Variants in OTUD7A observed in about 807,000 individuals in gnomAD.
OTUD7A encodes the protein OTU deubiquitinase 7A.
OTUD7A carries 12 observed loss-of-function variants against 65.7 expected under a neutral mutation model. That is an observed-to-expected ratio of 0.18 (90% CI 0.12 to 0.30). The LOEUF (loss-of-function observed/expected upper bound fraction) is 0.30. Among genes scored for constraint, OTUD7A ranks in the 10% least tolerant of loss-of-function variants. The pLI, the probability that OTUD7A is intolerant of heterozygous loss-of-function variation, is 1.00. For missense variants in OTUD7A, 1,148 were observed against 1,304.8 expected, an observed-to-expected ratio of 0.88 and a Z score of 1.85; for synonymous variants, 641 against 586.3, an observed-to-expected ratio of 1.09 and a Z score of -1.35.
intron 1 of OTUD7A, among the ~76,000 whole-genome samples, chr15:31,686,022 C>T (rs145894311): frequency 0.045 from 6,790 of 152,308 alleles, 291 homozygotes; most frequent in African/African-American, 0.11. Context: ...GACTGTGTCT[C>T]TTTCCATGGC....
At chr15:31,864,466 G>A (rs535527515) in intron 1 of OTUD7A, among the ~76,000 whole-genome samples, 1 of 152,228 alleles carries the variant, frequency 6.6e-6, no homozygotes, top group Non-Finnish European at 1.5e-5. Flanking sequence ...CTTTTTACGT[G>A]GTGGTGGCAA....
intron 8 of OTUD7A, among the ~76,000 whole-genome samples, chr15:31,507,485 C>G (rs1243688808): frequency 6.6e-6 from 1 of 152,166 alleles, no homozygotes; most frequent in Non-Finnish European, 1.5e-5. Flanking sequence ...TGTGGTCTCA[C>G]TGACTTCAAG....
intron 3 of OTUD7A, among the ~76,000 whole-genome samples, chr15:31,607,410 T>C (rs1015886128): frequency 6.6e-6 from 1 of 152,176 alleles, no homozygotes; most frequent in Admixed American, 6.5e-5. Context: ...TCAAATTACT[T>C]AAATACCTGA....
intron 1 of OTUD7A, among the ~76,000 whole-genome samples, chr15:31,740,123 G>A (rs992618365): frequency 9.9e-5 from 15 of 152,178 alleles, no homozygotes; most frequent in Admixed American, 3.3e-4. Context: ...TGGGGTGGCC[G>A]GAGCAGGCCT....
In OTUD7A at chr15:31,719,418, A is replaced by T. The variant is rs1465051814; in HGVS notation, c.-99-62341T>A. On this transcript the variant is annotated intron_variant, in intron 1 of 12. Transcript: ENST00000307050. Reference sequence around the variant, plus strand: ...CCTGTAATCTTCCACATCTCTGATCAGGGCAACCTCAAGCTTCCATTTGTT... The same window carrying T: ...CCTGTAATCTTCCACATCTCTGATCTGGGCAACCTCAAGCTTCCATTTGTT... Among the ~76,000 whole-genome samples the T allele has an allele frequency of 5.3e-5, 8 of 152,098 alleles. No homozygotes were observed. In the East Asian group the frequency reaches 1.5e-3, roughly 29 times the overall value.
At chr15:31,620,474 C>G (rs1890744533) in intron 3 of OTUD7A, among the ~76,000 whole-genome samples, 1 of 151,846 alleles carries the variant, frequency 6.6e-6, no homozygotes, top group Admixed American at 6.6e-5. Context: ...AGAGATTCAA[C>G]TTCTTCCTGG....
At chr15:31,607,673 A>G (rs1890275989) in intron 3 of OTUD7A, among the ~76,000 whole-genome samples, 1 of 152,156 alleles carries the variant, frequency 6.6e-6, no homozygotes, top group African/African-American at 2.4e-5. Context: ...TACCTTTTCT[A>G]TATTTATATA....
At chr15:31,497,342 C>T (rs1329459859) in intron 10 of OTUD7A, among the ~76,000 whole-genome samples, 29 of 152,080 alleles carry the variant, frequency 1.9e-4, no homozygotes, top group Admixed American at 1.9e-3. Context: ...CTCCACCTCC[C>T]AGGTTCAAGA....
At chr15:31,603,991 T>C (rs894177295) in intron 3 of OTUD7A, among the ~76,000 whole-genome samples, 1 of 152,224 alleles carries the variant, frequency 6.6e-6, no homozygotes, top group Non-Finnish European at 1.5e-5. Flanking sequence ...TTTACACTGT[T>C]GGTGGGAGTG....
intron 10 of OTUD7A, among the ~76,000 whole-genome samples, chr15:31,488,891 C>T (rs543358241): frequency 1.3e-5 from 2 of 152,332 alleles, no homozygotes; most frequent in African/African-American, 4.8e-5. Flanking sequence ...TGACCAGCTC[C>T]GGGCTTTTCA....
At chr15:31,740,265 G>A (rs933518569) in intron 1 of OTUD7A, among the ~76,000 whole-genome samples, 1 of 152,180 alleles carries the variant, frequency 6.6e-6, no homozygotes, top group Non-Finnish European at 1.5e-5. Flanking sequence ...TGGAGCAGAG[G>A]TGGGGTCGCA....
chr15:31,715,967 TAG>T (rs377367799), intron 1 of OTUD7A, among the ~76,000 whole-genome samples: 1,809 of 37,912 alleles, frequency 0.048, 179 homozygotes, highest in African/African-American at 0.077. Context: ...GAGACGCAAA[TAG>T]AGAGAGCTGT....
At chr15:31,792,722 T>G (rs1280294944) in intron 1 of OTUD7A, among the ~76,000 whole-genome samples, 1 of 152,204 alleles carries the variant, frequency 6.6e-6, no homozygotes, top group East Asian at 1.9e-4. Flanking sequence ...TGTGTATGTG[T>G]GTTCTGCCAT....
chr15:31,660,609 T>C (rs1445050128), intron 1 of OTUD7A, among the ~76,000 whole-genome samples: 1 of 152,144 alleles, frequency 6.6e-6, no homozygotes. Context: ...TAAGAGTAAT[T>C]TGGACTGTGA....
intron 1 of OTUD7A, among the ~76,000 whole-genome samples, chr15:31,847,090 G>A (rs1191378963): frequency 6.6e-6 from 1 of 152,194 alleles, no homozygotes; most frequent in Non-Finnish European, 1.5e-5. Context: ...CCGTAGCCTG[G>A]GCATCCTTGT....
At chr15:31,593,756 TA>T (rs1889823007) in intron 3 of OTUD7A, among the ~76,000 whole-genome samples, 2 of 152,202 alleles carry the variant, frequency 1.3e-5, no homozygotes, top group South Asian at 4.1e-4. Context: ...GATGAATTTT[TA>T]AAAAACATAT....
At chr15:31,685,549 C>G (rs1377999384) in intron 1 of OTUD7A, among the ~76,000 whole-genome samples, 2 of 151,892 alleles carry the variant, frequency 1.3e-5, no homozygotes, top group African/African-American at 2.4e-5. Flanking sequence ...GTCCCAGCTA[C>G]TAGGGAGGCT....
intron 3 of OTUD7A, among the ~76,000 whole-genome samples, chr15:31,617,428 A>G (rs1054843520): frequency 6.6e-6 from 1 of 152,170 alleles, no homozygotes; most frequent in Non-Finnish European, 1.5e-5. Context: ...CAGAGGTTGC[A>G]GTGAGCCCAG....
intron 3 of OTUD7A, among the ~76,000 whole-genome samples, chr15:31,609,717 C>T (rs765449868): frequency 7.9e-5 from 12 of 152,176 alleles, no homozygotes; most frequent in Non-Finnish European, 7.3e-5. Context: ...CATACTAGCA[C>T]AGCTGATGCT....
Sources: gnomAD v4.1 joint callset for allele counts (sites outside exome capture counted in the v4.1 genomes callset) on GRCh38, gnomAD v4.1.1 for gene constraint, MANE v1.5 for transcripts, NCBI Gene and HGNC (gene_info 2026-07-23, HGNC 2026-07-21) for gene names.